Variants in FAM120AOS observed in about 807,000 individuals in gnomAD.
The protein encoded by FAM120AOS is family with sequence similarity 120 member A opposite strand, also known as uncharacterized protein FAM120AOS.
A neutral mutation model predicts 20.2 loss-of-function variants in FAM120AOS; 15 were observed. The ratio of observed to expected loss-of-function variants is 0.74; its 90% CI spans 0.50 to 1.15. The LOEUF (loss-of-function observed/expected upper bound fraction) is 1.15, where lower values mean the gene tolerates loss of function less well. Among genes scored for constraint, FAM120AOS ranks in the 50% most tolerant of loss-of-function variants. FAM120AOS has a pLI of 0.00. For synonymous variants in FAM120AOS, 154 were observed against 154.0 expected, an observed-to-expected ratio of 1.00 and a Z score of 0.00; for missense variants, 327 against 351.9, an observed-to-expected ratio of 0.93 and a Z score of 0.57.
In FAM120AOS at chr9:93,452,563, C is replaced by T. The variant is rs1326341931; in HGVS notation, c.147G>A (p.Leu49=). The change falls in exon 1 of 3, where the codon CTG becomes CTA. Residue 49 remains leucine (L), a synonymous_variant. Transcript: ENST00000375412. This position sits in a 1 kb window ranked among gnomAD's most constrained non-coding sequence, Gnocchi z 7.0. The stretch of plus-strand genomic sequence containing the variant: ...GCTGCAAGATGGATGGCCGCGGGTG[C>T]AGGCCGCGCGCTGCCCAAGCCCGTC... ...SWRRAWAARG[L]HPRPSILQPG... The T allele has an allele frequency of 6.3e-7, 1 of 1,588,676 alleles. No individual in the cohort carries two copies.
At chr9:93,451,792 A>G in intron 1 of FAM120AOS, 1 of 812,260 alleles carries the variant, frequency 1.2e-6, no homozygotes. Flanking sequence ...CGCGCCCCCG[A>G]CCCGCCCCAG....
chr9:93,451,850 A>ACGGCCCCACCACCCC (rs1357177732), intron 1 of FAM120AOS: 1 of 824,108 alleles, frequency 1.2e-6, no homozygotes, highest in African/African-American at 3.0e-5. Context: ...CCCGCGCGCC[A>ACGGCCCCACCACCCC]CGGCCCCACC....
At position 93,452,354 on chromosome 9, in the gene FAM120AOS, T is replaced by A. The variant is rs754874835; in HGVS notation, c.356A>T (p.Gln119Leu). 1.2e-6 allele frequency: 2 copies of A among 1,611,906 alleles called. No individual in the cohort carries two copies. Among genetic ancestry groups the A allele is most frequent in the African/African-American group, 1.3e-5 (1 of 75,018 alleles). ...TWKRMSARRMQWAMQTGGRNQ... is the reference protein window; with the variant it reads ...TWKRMSARRMLWAMQTGGRNQ... ...CCTGCCGCCCGTCTGCATGGCCCAC[T>A]GCATCCGCCTGGCGCTCATCCGCTT... Residue 119 changes from glutamine (Q) to leucine (L), a missense_variant, in exon 1 of 3, where the codon CAG (glutamine) becomes CTG (leucine). Coordinates refer to ENST00000375412, the MANE Select transcript of FAM120AOS (RefSeq NM_198841.4). This position sits in a 1 kb window ranked among gnomAD's most constrained non-coding sequence, Gnocchi z 7.0.
In FAM120AOS at chr9:93,452,487, G is replaced by A; in HGVS notation, c.223C>T (p.Gln75Ter). ...AATGTCGCCCGGCCGTGGCGGCGCT[G>A]GGGGCAGCGAGTTCCCCCAGCCCTT... ...RARAGGTRCP[Q>*]RRHGRATFCA... is the part of the protein sequence containing the mutation. The change falls in exon 1 of 3, where the codon CAG (glutamine) becomes TAG (stop). Residue 75 changes from glutamine to a stop codon, truncating the protein, a stop_gained. Coordinates refer to ENST00000375412, the MANE Select transcript of FAM120AOS (RefSeq NM_198841.4). LOFTEE classifies it high-confidence loss of function. This position sits in a 1 kb window ranked among gnomAD's most constrained non-coding sequence, Gnocchi z 7.0. 6.5e-6 allele frequency: 10 copies of A among 1,544,206 alleles called. No homozygotes were observed. The highest frequency in any genetic ancestry group is 7.0e-6 in the Non-Finnish European group (8 of 1,149,470).
intron 2 of FAM120AOS, among the ~76,000 whole-genome samples, chr9:93,449,721 C>T (rs1453125316): frequency 1.3e-5 from 2 of 151,870 alleles, no homozygotes; most frequent in East Asian, 3.9e-4. Context: ...CTCTTGACCT[C>T]GTGATCTGCC....
Position 93,447,502 on chromosome 9 carries a change from CCAGAAGCAGAAG to C in FAM120AOS, c.*97_*108del, listed in dbSNP as rs1461242813. 9.7e-7 allele frequency: 1 copy of C among 1,029,944 alleles called. No homozygotes were observed. The highest frequency in any genetic ancestry group is 1.5e-6 in the Non-Finnish European group (1 of 675,884). 63.8% of individuals were successfully genotyped at this position (1,029,944 alleles called of 1,614,324 possible). A position where few individuals can be genotyped will look rare whatever the true frequency, so the allele number is the denominator to read the frequency against. On this transcript the variant is annotated 3_prime_UTR_variant, in exon 3 of 3. Coordinates refer to ENST00000375412, the MANE Select transcript of FAM120AOS (RefSeq NM_198841.4). The stretch of plus-strand genomic sequence containing the variant: ...CTCCAATATAGAGAGAACTCTGAAA[CCAGAAGCAGAAG>C]CTGAGGAATGGTGAATAGAGCATTT...
rs957601235 is a variant in FAM120AOS at position 93,446,366 on chromosome 9, C to G, written c.*1245G>C. 1.3e-5 allele frequency: 2 copies of G among 152,058 alleles called. No individual in the cohort carries two copies. The highest frequency in any genetic ancestry group is 2.9e-5 in the Non-Finnish European group (2 of 68,018). 9.4% of individuals were successfully genotyped at this position (152,058 alleles called of 1,614,324 possible). The stretch of plus-strand genomic sequence containing the variant: ...TATTCTGGTATGAGAGACTTGCTTC[C>G]TCTGGAAAGATCTTTATGGTTTACA... On this transcript the variant is annotated 3_prime_UTR_variant, in exon 3 of 3. Transcript: ENST00000375412.
intron 1 of FAM120AOS, chr9:93,451,760 TGGCGGCCGC>T (rs1464128092): frequency 1.0e-6 from 1 of 972,206 alleles, no homozygotes; most frequent in Non-Finnish European, 1.2e-6. Context: ...CGGCAGCACA[TGGCGGCCGC>T]GGCGGCCATG....
intron 1 of FAM120AOS, 78 bp from the exon 2 acceptor site, chr9:93,450,677 A>G: frequency 6.4e-7 from 1 of 1,570,612 alleles, no homozygotes; most frequent in Non-Finnish European, 8.7e-7. Context: ...TGGGTTTCTA[A>G]ATTTATATTC....
intron 1 of FAM120AOS, chr9:93,451,180 C>A: frequency 6.5e-7 from 1 of 1,549,624 alleles, no homozygotes; most frequent in Non-Finnish European, 8.7e-7. Context: ...ACCCCGCAGT[C>A]AGTGTGGGCA....
rs943140119 is a variant in FAM120AOS at position 93,447,232 on chromosome 9, A to G, written c.*379T>C. The G allele has an allele frequency of 2.2e-5, 4 of 184,602 alleles. No individual in the cohort carries two copies. Among genetic ancestry groups the G allele is most frequent in the Admixed American group, 1.6e-4 (3 of 18,522 alleles). 11.4% of individuals were successfully genotyped at this position (184,602 alleles called of 1,614,324 possible). A position where few individuals can be genotyped will look rare whatever the true frequency, so the allele number is the denominator to read the frequency against. ...TTTTCCTCTTTTTTTCTATGCAAGT[A>G]TCTATTTGTCTATATGTCTGTCTAC... On this transcript the variant is annotated 3_prime_UTR_variant, in exon 3 of 3. Transcript: ENST00000375412.
intron 1 of FAM120AOS, chr9:93,451,147 C>T (rs903965508): frequency 1.3e-6 from 2 of 1,550,406 alleles, no homozygotes; most frequent in Non-Finnish European, 1.7e-6. Flanking sequence ...CAGGCGCGGC[C>T]GGCCAGCATC....
At chr9:93,450,724 C>A (rs755085145) in intron 1 of FAM120AOS, 125 bp from the exon 2 acceptor site, 5 of 1,429,486 alleles carry the variant, frequency 3.5e-6, no homozygotes, top group Non-Finnish European at 4.8e-6. Flanking sequence ...ATGTTTTATG[C>A]AAGCCTAATA....
chr9:93,451,190 A>G (rs1174930144), intron 1 of FAM120AOS: 1 of 1,549,024 alleles, frequency 6.5e-7, no homozygotes, highest in Admixed American at 2.0e-5. Flanking sequence ...CAGTGTGGGC[A>G]GCAGGCCCAG....
Position 93,447,572 on chromosome 9 carries a change from T to G in FAM120AOS, c.*39A>C, listed in dbSNP as rs779437034. 6 of 1,584,090 alleles carry G rather than the reference T, an allele frequency of 3.8e-6. No homozygotes were observed. The highest frequency in any genetic ancestry group is 5.2e-6 in the Non-Finnish European group (6 of 1,154,208). On this transcript the variant is annotated 3_prime_UTR_variant, in exon 3 of 3. Coordinates refer to ENST00000375412, the MANE Select transcript of FAM120AOS (RefSeq NM_198841.4). ...CACGATGGGTATCAGGGTGGTTTCTTGTCCTTTCAATGCCTCTGCAGAACT... is the reference window on the plus strand; with the variant it reads ...CACGATGGGTATCAGGGTGGTTTCTGGTCCTTTCAATGCCTCTGCAGAACT...
intron 1 of FAM120AOS, chr9:93,451,776 C>A (rs2131157966): frequency 2.0e-6 from 2 of 981,320 alleles, no homozygotes; most frequent in Non-Finnish European, 2.4e-6. Flanking sequence ...CCGCGGCGGC[C>A]ATGAGCGCGC....
At chr9:93,450,452 A>C in intron 2 of FAM120AOS, 27 bp downstream of exon 2, 2 of 1,542,432 alleles carry the variant, frequency 1.3e-6, no homozygotes, top group Non-Finnish European at 1.7e-6. Context: ...TGGGTATCAG[A>C]AAAGAAAGCA....
At chr9:93,450,963 C>CT in intron 1 of FAM120AOS, 1 of 1,433,770 alleles carries the variant, frequency 7.0e-7, no homozygotes. Context: ...TCAAGACAGT[C>CT]TCTTCCGTGA....
In FAM120AOS at chr9:93,449,814, C is replaced by T. The variant is rs7863115; in HGVS notation, c.684+665G>A. On this transcript the variant is annotated intron_variant, in intron 2 of 2. Coordinates refer to ENST00000375412, the MANE Select transcript of FAM120AOS (RefSeq NM_198841.4). ...CTAATGCATTTTTAAAAATTAAAAG[C>T]AAGAGTGTTTAAAGAAAAGGTAAAT... is the stretch of plus-strand genomic sequence containing the variant. Among the ~76,000 whole-genome samples the T allele has an allele frequency of 9.7e-3, 1,463 of 151,546 alleles. 22 individuals carry two copies. The highest frequency in any genetic ancestry group is 0.034 in the African/African-American group (1,392 of 41,294).
Sources: allele counts gnomAD v4.1 joint callset (sites outside exome capture counted in the v4.1 genomes callset), GRCh38; gene constraint gnomAD v4.1.1; non-coding constraint Gnocchi (gnomAD v3.1); transcripts MANE v1.5; gene names NCBI Gene and HGNC (gene_info 2026-07-23, HGNC 2026-07-21).